Variants in DOK5 observed in about 807,000 individuals in gnomAD.
DOK5 encodes the protein downstream of tyrosine kinase 5.
Under a neutral mutation model 43.3 loss-of-function variants are expected in DOK5, and 27 were observed. The observed-to-expected ratio is 0.62, with a 90% CI of 0.46 to 0.86. DOK5 has a LOEUF of 0.86. Among genes scored for constraint, DOK5 ranks in the 40% least tolerant of loss-of-function variants. The pLI is 0.00. For synonymous variants in DOK5, 146 were observed against 140.1 expected (o/e 1.04, Z -0.30); for missense variants, 373 against 392.9 (o/e 0.95, Z 0.43).
chr20:54,619,267 G>T (rs1287360322), intron 6 of DOK5, among the ~76,000 whole-genome samples: 4 of 151,548 alleles, frequency 2.6e-5, no homozygotes, highest in African/African-American at 9.7e-5. Flanking sequence ...AACTGTGAAT[G>T]AGGCGGGGAG....
intron 6 of DOK5, among the ~76,000 whole-genome samples, chr20:54,636,551 C>T (rs1021715088): frequency 1.3e-5 from 2 of 152,132 alleles, no homozygotes; most frequent in Non-Finnish European, 2.9e-5. Flanking sequence ...CAGAAGTGGG[C>T]TCAGCATATG....
At chr20:54,591,149 C>T (rs1394986315) in intron 4 of DOK5, among the ~76,000 whole-genome samples, 2 of 152,084 alleles carry the variant, frequency 1.3e-5, no homozygotes, top group African/African-American at 2.4e-5. Flanking sequence ...CAGTTTTATT[C>T]ATTTAGTTAT....
At chr20:54,502,756 A>C (rs1982660346) in intron 1 of DOK5, among the ~76,000 whole-genome samples, 2 of 152,280 alleles carry the variant, frequency 1.3e-5, no homozygotes, top group South Asian at 4.1e-4. Flanking sequence ...TTATTACTTA[A>C]AGATTGGCCA....
intron 6 of DOK5, among the ~76,000 whole-genome samples, chr20:54,628,678 G>A (rs994393981): frequency 1.3e-5 from 2 of 151,986 alleles, no homozygotes; most frequent in Non-Finnish European, 1.5e-5. Context: ...AGTATATTAC[G>A]CAGTTTGTAT....
chr20:54,553,897 A>AG (rs372186032), intron 1 of DOK5, among the ~76,000 whole-genome samples: 1 of 76,742 alleles, frequency 1.3e-5, no homozygotes, highest in Non-Finnish European at 2.4e-5. Context: ...ACTCTGTCTC[A>AG]AAAAAAAAAA....
chr20:54,610,642 C>T, intron 6 of DOK5, 119 bp downstream of exon 6: 1 of 1,153,932 alleles, frequency 8.7e-7, no homozygotes, highest in South Asian at 2.9e-5. Flanking sequence ...TTCCTCTTCT[C>T]AACAGTGTAT....
In DOK5 at chr20:54,566,921, C is replaced by A. The variant is rs973693501; in HGVS notation, c.174+11881C>A. On this transcript the variant is annotated intron_variant, in intron 2 of 7. Transcript: ENST00000262593. ...TAGTCATTCTAATAGTGACATTTCA[C>A]TGTGGTTTTAATTTGCATTCCCTGG... Among the ~76,000 whole-genome samples, 3 of 152,172 alleles carry A rather than the reference C, an allele frequency of 2.0e-5. No individual in the cohort carries two copies. In the South Asian group the frequency reaches 6.2e-4, roughly 32 times the overall value.
At chr20:54,567,446 C>T (rs1324187209) in intron 2 of DOK5, among the ~76,000 whole-genome samples, 1 of 151,892 alleles carries the variant, frequency 6.6e-6, no homozygotes, top group Non-Finnish European at 1.5e-5. Flanking sequence ...ATTATTCTTT[C>T]CTTATTGAAT....
chr20:54,644,509 C>A (rs1979280098), intron 7 of DOK5, among the ~76,000 whole-genome samples: 2 of 151,746 alleles, frequency 1.3e-5, no homozygotes, highest in South Asian at 2.1e-4. Flanking sequence ...TCGAGACCAT[C>A]CTGGCTAACA....
intron 5 of DOK5, among the ~76,000 whole-genome samples, chr20:54,605,048 T>TACAC (rs1568806382): frequency 2.1e-3 from 253 of 118,446 alleles, no homozygotes; most frequent in African/African-American, 4.9e-3. Flanking sequence ...CACACACACG[T>TACAC]ATACACACAC....
In DOK5 at chr20:54,526,373, G is replaced by A. The variant is rs545742082; in HGVS notation, c.67-28560G>A. 1.2e-4 allele frequency among the ~76,000 whole-genome samples: 19 copies of A among 152,294 alleles called. No homozygotes were observed. In the South Asian group the frequency reaches 3.9e-3, roughly 32 times the overall value. ...GCCAGGATCCATGGAGTTTTAGCTA[G>A]TGAATATTCAGGAAAGAAATGTATT... is the stretch of plus-strand genomic sequence containing the variant. On this transcript the variant is annotated intron_variant, in intron 1 of 7. Transcript: ENST00000262593.
chr20:54,501,263 C>T (rs563107366), intron 1 of DOK5, among the ~76,000 whole-genome samples: 7 of 151,466 alleles, frequency 4.6e-5, no homozygotes, highest in East Asian at 2.0e-4. Context: ...GTCAGGAGAT[C>T]GAGACTATCC....
chr20:54,515,039 T>A (rs1488142745), intron 1 of DOK5, among the ~76,000 whole-genome samples: 3 of 152,110 alleles, frequency 2.0e-5, no homozygotes. Flanking sequence ...AGGTGAAATT[T>A]CACTCTTGTT....
At position 54,610,467 on chromosome 20, in the gene DOK5, G is replaced by C; in HGVS notation, c.679G>C (p.Ala227Pro). The part of the protein sequence containing the change: ...EAIYQKVHSA[A>P]LAIAEQHERL... ...CATCTATCAGAAAGTCCACTCTGCT[G>C]CCTTGGCCATAGCCGAGCAGCACGA... is the stretch of plus-strand genomic sequence containing the variant. The change falls in exon 6 of 8, where the codon GCC (alanine) becomes CCC (proline). Residue 227 changes from alanine (A) to proline (P), a missense_variant. Coordinates refer to ENST00000262593, the MANE Select transcript of DOK5 (RefSeq NM_018431.5). The C allele has an allele frequency of 6.3e-7, 1 of 1,587,566 alleles. No homozygotes were observed. Among genetic ancestry groups the C allele is most frequent in the Non-Finnish European group, 8.6e-7 (1 of 1,167,530 alleles).
At position 54,588,742 on chromosome 20, in the gene DOK5, G is replaced by A. The variant is rs16999812; in HGVS notation, c.345G>A (p.Arg115=). The A allele has an allele frequency of 8.9e-3, 14,418 of 1,613,996 alleles. 1,093 individuals are homozygous for A. In the African/African-American group the frequency reaches 0.17, roughly 19 times the overall value. Residue 115 remains arginine (R), a synonymous_variant, in exon 4 of 8, where the codon CGG becomes CGA. Transcript: ENST00000262593. ...TCCAGATGGAGTGTGTAGGAACACG[G>A]ATCAATGACATCAGCCTTGGAGAGC... ...KVLQMECVGT[R]INDISLGEPD... is the part of the protein sequence containing the mutation.
chr20:54,522,176 C>T lies in DOK5; in HGVS notation c.67-32757C>T, dbSNP rs565783608. ...ATTGGAAGAATTGTCTTGGGCCACA[C>T]CTAAAACACACCAACACTAACGATA... On this transcript the variant is annotated intron_variant, in intron 1 of 7. Coordinates refer to ENST00000262593, the MANE Select transcript of DOK5 (RefSeq NM_018431.5). Among the ~76,000 whole-genome samples the T allele has an allele frequency of 4.9e-4, 75 of 152,246 alleles. 1 individual carries two copies. In the South Asian group the frequency reaches 0.013, roughly 27 times the overall value.
chr20:54,546,547 C>G (rs375410741), intron 1 of DOK5, among the ~76,000 whole-genome samples: 7 of 150,756 alleles, frequency 4.6e-5, no homozygotes, highest in African/African-American at 1.5e-4. Flanking sequence ...ATCCCTCCCC[C>G]CTCCCCTGAC....
At chr20:54,605,589 T>A (rs1049585808) in intron 5 of DOK5, among the ~76,000 whole-genome samples, 2 of 152,256 alleles carry the variant, frequency 1.3e-5, no homozygotes, top group Non-Finnish European at 2.9e-5. Context: ...TCCTGCCTTC[T>A]TTCTCAAACC....
At chr20:54,547,287 A>T (rs1356310016) in intron 1 of DOK5, among the ~76,000 whole-genome samples, 2 of 152,204 alleles carry the variant, frequency 1.3e-5, no homozygotes, top group African/African-American at 4.8e-5. Context: ...CTCATTACAG[A>T]AAGTTTGCCA....
Sources: gnomAD v4.1 joint callset for allele counts (sites outside exome capture counted in the v4.1 genomes callset) on GRCh38, gnomAD v4.1.1 for gene constraint, MANE v1.5 for transcripts, NCBI Gene and HGNC (gene_info 2026-07-23, HGNC 2026-07-21) for gene names.